Variants in MBTPS1 observed in about 807,000 individuals in gnomAD.
MBTPS1 encodes the protein membrane-bound transcription factor site-1 protease.
MBTPS1 carries 94 observed loss-of-function variants against 127.8 expected under a neutral mutation model. The ratio of observed to expected loss-of-function variants is 0.74; its 90% CI spans 0.62 to 0.87. The LOEUF is 0.87. Among genes scored for constraint, MBTPS1 ranks in the 40% least tolerant of loss-of-function variants. MBTPS1 has a pLI of 0.00. For synonymous variants in MBTPS1, 632 were observed against 509.4 expected (o/e 1.24, Z -3.24); for missense variants, 1,636 against 1,353.2 (o/e 1.21, Z -3.28).
In MBTPS1 at chr16:84,059,385, C is replaced by G; in HGVS notation, c.2748G>C (p.Leu916Phe). 1 of 1,614,096 alleles carries G rather than the reference C, an allele frequency of 6.2e-7. No individual in the cohort carries two copies. The change falls in exon 21 of 23, where the codon TTG (leucine) becomes TTC (phenylalanine). Residue 916 changes from leucine to phenylalanine, a missense_variant. Transcript: ENST00000343411. ...GTAGAGGCCGAGGTTTTGGGTCTCC[C>G]AAATGGGCCTCCAGAACCTTGGAGT... is the stretch of plus-strand genomic sequence containing the variant. ...HRYSKVLEAH[L>F]GDPKPRPLPA...
intron 6 of MBTPS1, among the ~76,000 whole-genome samples, chr16:84,092,447 T>G (rs920451378): frequency 6.6e-6 from 1 of 152,216 alleles, no homozygotes; most frequent in Non-Finnish European, 1.5e-5. Flanking sequence ...ATTATGTTTT[T>G]AAAGGTTTTT....
At chr16:84,068,279 T>C in intron 15 of MBTPS1, 60 bp downstream of exon 15, 1 of 1,166,406 alleles carries the variant, frequency 8.6e-7, no homozygotes, top group Non-Finnish European at 1.3e-6. Context: ...TCCTCAGACA[T>C]TTAACAAACA....
At chr16:84,104,446 C>G (rs1271685796) in intron 1 of MBTPS1, among the ~76,000 whole-genome samples, 1 of 151,982 alleles carries the variant, frequency 6.6e-6, no homozygotes, top group Non-Finnish European at 1.5e-5. Context: ...CTGGGTGACA[C>G]AGTGAGACTC....
intron 22 of MBTPS1, among the ~76,000 whole-genome samples, chr16:84,055,363 T>C (rs8053890): frequency 0.26 from 39,411 of 152,138 alleles, 5,347 homozygotes; most frequent in East Asian, 0.35. Flanking sequence ...CTCCTCTTGG[T>C]AGCTATAAAC....
Position 84,091,779 on chromosome 16 carries a change from G to C in MBTPS1, c.916C>G (p.Leu306Val), listed in dbSNP as rs758919388. Reference protein sequence around the residue: ...AILKKIDVLNLSIGGPDFMDH... With the variant: ...AILKKIDVLNVSIGGPDFMDH... ...ATGAAGTCCGGGCCGCCGATGCTGA[G>C]GTTTAACACGTCGATCTTCTTTAAA... The change falls in exon 7 of 23, where the codon CTC (leucine) becomes GTC (valine). Residue 306 changes from leucine (L) to valine (V), a missense_variant. Physicochemically the swap from Leu to Val is conservative, Grantham distance 32 (BLOSUM62 1). Transcript: ENST00000343411. The C allele has an allele frequency of 1.9e-6, 3 of 1,613,978 alleles. No homozygotes were observed. The highest frequency in any genetic ancestry group is 1.1e-5 in the South Asian group (1 of 91,092).
At chr16:84,072,719 G>A (rs1218162339) in intron 12 of MBTPS1, among the ~76,000 whole-genome samples, 3 of 152,176 alleles carry the variant, frequency 2.0e-5, no homozygotes, top group South Asian at 2.1e-4. Context: ...GAACCCGGGA[G>A]ACGGAGCTTG....
At position 84,113,175 on chromosome 16, in the gene MBTPS1, C is replaced by G. The variant is rs138117144; in HGVS notation, c.-325+3560G>C. ...AAAGATAGCCTTTGAAAATATTAAA[C>G]TTTTGGCTAGTTCATTCTGAAAGGC... On this transcript the variant is annotated intron_variant, in intron 1 of 22. Transcript: ENST00000343411. Among the ~76,000 whole-genome samples the G allele has an allele frequency of 2.7e-3, 404 of 152,182 alleles. 1 individual carries two copies. The highest frequency in any genetic ancestry group is 9.4e-3 in the African/African-American group (390 of 41,528).
chr16:84,056,305 C>T (rs1036657955), intron 21 of MBTPS1, 170 bp from the exon 22 acceptor site: 2 of 563,852 alleles, frequency 3.5e-6, no homozygotes, highest in Non-Finnish European at 6.3e-6. Context: ...ACTATGGTGG[C>T]CGTTTCCACG....
chr16:84,115,033 A>G (rs1056510188), intron 1 of MBTPS1, among the ~76,000 whole-genome samples: 5 of 151,138 alleles, frequency 3.3e-5, no homozygotes, highest in African/African-American at 1.2e-4. Context: ...GGTTCAAGGG[A>G]TTCTCCTGCC....
At chr16:84,065,245 G>A (rs1340651105) in intron 18 of MBTPS1, among the ~76,000 whole-genome samples, 2 of 151,804 alleles carry the variant, frequency 1.3e-5, no homozygotes, top group African/African-American at 4.8e-5. Context: ...AGCCTCCTGA[G>A]TAGCTGGGAC....
intron 12 of MBTPS1, among the ~76,000 whole-genome samples, chr16:84,072,312 G>A (rs555452198): frequency 6.6e-6 from 1 of 152,014 alleles, no homozygotes; most frequent in Non-Finnish European, 1.5e-5. Context: ...AGGGCTGGTG[G>A]AAGGAAGAAG....
In MBTPS1 at chr16:84,067,652, G is replaced by T. The variant is rs774680400; in HGVS notation, c.2228+15C>A. On this transcript the variant is annotated intron_variant, in intron 16 of 22. Coordinates refer to ENST00000343411, the MANE Select transcript of MBTPS1 (RefSeq NM_003791.4). ...CCAAAAGTCTTATCCAAATACCAAT[G>T]CGTATCAACAGTACCTTGTGTTTTC... 1 of 1,584,656 alleles carries T rather than the reference G, an allele frequency of 6.3e-7. No homozygotes were observed. Among genetic ancestry groups the T allele is most frequent in the Non-Finnish European group, 8.6e-7 (1 of 1,156,820 alleles).
rs748621102 is a variant in MBTPS1 at position 84,091,713 on chromosome 16, G to C, written c.963+19C>G. The C allele has an allele frequency of 1.6e-5, 25 of 1,560,978 alleles. No homozygotes were observed. In the African/African-American group the frequency reaches 2.0e-4, roughly 13 times the overall value. On this transcript the variant is annotated intron_variant, in intron 7 of 22. Coordinates refer to ENST00000343411, the MANE Select transcript of MBTPS1 (RefSeq NM_003791.4). ...GCAGGAGCTGTCACCCAAACCCCGT[G>C]TGCAGTGACTCCACAAACCTTGTCA... is the stretch of plus-strand genomic sequence containing the variant.
chr16:84,088,476 C>T (rs1185398890), intron 8 of MBTPS1, among the ~76,000 whole-genome samples: 1 of 152,174 alleles, frequency 6.6e-6, no homozygotes, highest in South Asian at 2.1e-4. Context: ...GAGGCTGGTA[C>T]AGAAGTCACT....
chr16:84,096,802 C>T (rs1470121865), intron 3 of MBTPS1, among the ~76,000 whole-genome samples: 5 of 152,192 alleles, frequency 3.3e-5, no homozygotes, highest in Non-Finnish European at 7.3e-5. Context: ...TGAGTCTGAT[C>T]TTTAAGTCAA....
intron 21 of MBTPS1, among the ~76,000 whole-genome samples, chr16:84,058,789 G>C (rs559612753): frequency 3.9e-5 from 6 of 152,308 alleles, no homozygotes; most frequent in Non-Finnish European, 7.3e-5. Flanking sequence ...CAGGAGTGTG[G>C]AGACAGCAGC....
intron 18 of MBTPS1, among the ~76,000 whole-genome samples, chr16:84,065,013 G>C (rs376074008): frequency 2.0e-5 from 3 of 152,042 alleles, no homozygotes; most frequent in African/African-American, 7.2e-5. Flanking sequence ...TGACAGAAAC[G>C]AATCTTGTAC....
rs765914290 is a variant in MBTPS1, at chr16:84,065,706, C to G, written c.2415G>C (p.Gln805His). The change falls in exon 18 of 23, where the codon CAG (glutamine) becomes CAC (histidine). Residue 805 changes from glutamine (Q) to histidine (H), a missense_variant. Coordinates refer to ENST00000343411, the MANE Select transcript of MBTPS1 (RefSeq NM_003791.4). ...ATCCTTTACCTTGGTCCTTGAAAGT[C>G]TGTGTTATCACGACGCCATCTTCTG... The part of the protein sequence containing the change: ...KFPEDGVVIT[Q>H]TFKDQGLEVL... The G allele has an allele frequency of 1.2e-6, 2 of 1,613,064 alleles. No homozygotes were observed. Among genetic ancestry groups the G allele is most frequent in the Non-Finnish European group, 1.7e-6 (2 of 1,179,402 alleles).
chr16:84,085,513 C>G (rs890014695), intron 9 of MBTPS1, among the ~76,000 whole-genome samples: 2 of 151,798 alleles, frequency 1.3e-5, no homozygotes, highest in African/African-American at 4.8e-5. Context: ...CGTGATTGTG[C>G]CACTGCACTC....
Sources: gnomAD v4.1 joint callset for allele counts (sites outside exome capture counted in the v4.1 genomes callset) on GRCh38, gnomAD v4.1.1 for gene constraint, MANE v1.5 for transcripts, NCBI Gene and HGNC (gene_info 2026-07-23, HGNC 2026-07-21) for gene names.